Variants in VSTM2B observed in about 807,000 individuals in gnomAD.
VSTM2B encodes V-set and transmembrane domain-containing protein 2B.
Under a neutral mutation model 24.0 loss-of-function variants are expected in VSTM2B, and 24 were observed. The ratio of observed to expected loss-of-function variants is 1.00; its 90% CI spans 0.72 to 1.40. The LOEUF (loss-of-function observed/expected upper bound fraction) is 1.40. Ranked by LOEUF, VSTM2B falls within the 40% of genes most tolerant of loss-of-function variation. The pLI, the probability that VSTM2B is intolerant of heterozygous loss-of-function variation, is 0.00. For missense variants in VSTM2B, 399 were observed against 416.4 expected (o/e 0.96, Z 0.36); for synonymous variants, 226 against 194.4 (o/e 1.16, Z -1.35).
intron 3 of VSTM2B, among the ~76,000 whole-genome samples, chr19:29,529,546 T>C (rs968358990): frequency 7.9e-5 from 12 of 152,138 alleles, no homozygotes; most frequent in African/African-American, 2.9e-4. Context: ...TGTTGGTTTG[T>C]ATGGGCGGGG....
intron 4 of VSTM2B, among the ~76,000 whole-genome samples, chr19:29,536,321 C>T (rs563439763): frequency 5.3e-5 from 8 of 152,320 alleles, no homozygotes; most frequent in South Asian, 4.1e-4. Context: ...TGGTGTGTGA[C>T]TTACAGCTTG....
Position 29,536,700 on chromosome 19 carries a change from C to T in VSTM2B, c.769+6410C>T, listed in dbSNP as rs74946108. ...TGTGCTTATAGCCAGAGCCCACACT[C>T]TCTGCCCAGCTGGAGTGGTAGCCCC... is the stretch of plus-strand genomic sequence containing the variant. On this transcript the variant is annotated intron_variant, in intron 4 of 4. Coordinates refer to ENST00000335523, the MANE Select transcript of VSTM2B (RefSeq NM_001146339.2). 1.6e-3 allele frequency among the ~76,000 whole-genome samples: 241 copies of T among 152,304 alleles called. 1 individual carries two copies. The highest frequency in any genetic ancestry group is 3.1e-3 in the Non-Finnish European group (214 of 68,028).
chr19:29,528,954 CG>C, intron 3 of VSTM2B: 1 of 985,340 alleles, frequency 1.0e-6, no homozygotes, highest in Non-Finnish European at 1.2e-6. Context: ...TTGCAGGGGA[CG>C]GGGTAGGGGG....
intron 1 of VSTM2B, 153 bp from the exon 2 acceptor site, chr19:29,527,058 G>T: frequency 1.5e-6 from 1 of 675,334 alleles, no homozygotes; most frequent in Non-Finnish European, 2.4e-6. Flanking sequence ...CCGCTTCCCC[G>T]AACTTTGCTA....
chr19:29,555,672 T>C (rs531730650), intron 4 of VSTM2B, among the ~76,000 whole-genome samples: 79 of 151,838 alleles, frequency 5.2e-4, no homozygotes, highest in African/African-American at 1.9e-3. Context: ...GCTAGACTAA[T>C]AAAGATGAAG....
chr19:29,528,411 T>G (rs1969639818), intron 2 of VSTM2B, 22 bp from the exon 3 acceptor site: 5 of 1,551,176 alleles, frequency 3.2e-6, no homozygotes, highest in Non-Finnish European at 8.7e-7. Flanking sequence ...CTCACGTCTC[T>G]CTCTCCCTCT....
chr19:29,542,535 G>A (rs1018432239), intron 4 of VSTM2B, among the ~76,000 whole-genome samples: 1 of 151,848 alleles, frequency 6.6e-6, no homozygotes, highest in African/African-American at 2.4e-5. Flanking sequence ...ATGAATGGGT[G>A]GGTGGAGGGA....
chr19:29,562,460 G>A (rs113060852), intron 4 of VSTM2B, among the ~76,000 whole-genome samples: 274 of 152,276 alleles, frequency 1.8e-3, no homozygotes, highest in African/African-American at 6.2e-3. Context: ...CTGCACTACT[G>A]AAAATTGACA....
chr19:29,544,099 G>A (rs1970086666), intron 4 of VSTM2B, among the ~76,000 whole-genome samples: 1 of 150,448 alleles, frequency 6.6e-6, no homozygotes, highest in Non-Finnish European at 1.5e-5. Context: ...TAGTTCTCCT[G>A]TGTGTATATA....
intron 4 of VSTM2B, among the ~76,000 whole-genome samples, chr19:29,562,766 C>T (rs1046430497): frequency 6.6e-6 from 1 of 152,126 alleles, no homozygotes; most frequent in Non-Finnish European, 1.5e-5. Flanking sequence ...CCCAGTTGCA[C>T]GGGAGGCCTT....
At chr19:29,530,982 T>C (rs954576141) in intron 4 of VSTM2B, among the ~76,000 whole-genome samples, 4 of 134,636 alleles carry the variant, frequency 3.0e-5, no homozygotes, top group African/African-American at 8.7e-5. Flanking sequence ...GCTGAGAGGC[T>C]GGGAGAAGGG....
chr19:29,548,896 G>A (rs1049705596), intron 4 of VSTM2B, among the ~76,000 whole-genome samples: 6 of 152,238 alleles, frequency 3.9e-5, no homozygotes, highest in Non-Finnish European at 8.8e-5. Flanking sequence ...GGTTGGCTGA[G>A]CAAAAGGGGC....
intron 4 of VSTM2B, among the ~76,000 whole-genome samples, chr19:29,553,309 A>G (rs8109233): frequency 0.088 from 13,335 of 152,224 alleles, 1,217 homozygotes; most frequent in African/African-American, 0.23. Flanking sequence ...GAGAAACCCC[A>G]GTGAATAGGG....
At chr19:29,531,253 G>A (rs987611452) in intron 4 of VSTM2B, among the ~76,000 whole-genome samples, 3 of 152,152 alleles carry the variant, frequency 2.0e-5, no homozygotes, top group Non-Finnish European at 2.9e-5. Flanking sequence ...TCCCTCCCTT[G>A]GCCCCTCTCC....
intron 4 of VSTM2B, among the ~76,000 whole-genome samples, chr19:29,546,307 G>C (rs140218598): frequency 1.3e-5 from 2 of 152,110 alleles, no homozygotes; most frequent in African/African-American, 2.4e-5. Flanking sequence ...CAGGCAAGGC[G>C]GCACTGTCCA....
intron 4 of VSTM2B, among the ~76,000 whole-genome samples, chr19:29,556,528 G>A (rs1437743033): frequency 2.0e-5 from 3 of 152,174 alleles, no homozygotes; most frequent in South Asian, 2.1e-4. Flanking sequence ...TGGAGGTTCT[G>A]GCCAGGACAA....
In VSTM2B at chr19:29,547,075, C is replaced by G. The variant is rs151180676; in HGVS notation, c.770-16771C>G. ...TGCAAGTCCCAGCCCTGCTGTTTAT[C>G]TCAGTGTGGCCTTGGTTGGGCTGCC... On this transcript the variant is annotated intron_variant, in intron 4 of 4. Coordinates refer to ENST00000335523, the MANE Select transcript of VSTM2B (RefSeq NM_001146339.2). Among the ~76,000 whole-genome samples the G allele has an allele frequency of 9.6e-3, 1,456 of 152,294 alleles. 23 individuals carry two copies. The highest frequency in any genetic ancestry group is 0.032 in the African/African-American group (1,334 of 41,548).
intron 4 of VSTM2B, among the ~76,000 whole-genome samples, chr19:29,539,975 C>T (rs1321332700): frequency 6.6e-6 from 1 of 152,268 alleles, no homozygotes; most frequent in Non-Finnish European, 1.5e-5. Context: ...CCTCTGCTGA[C>T]CCTGGCCTGC....
chr19:29,528,294 T>A (rs538059362), intron 2 of VSTM2B, 139 bp from the exon 3 acceptor site: 20 of 1,036,702 alleles, frequency 1.9e-5, no homozygotes, highest in Middle Eastern at 5.0e-4. Context: ...GGACGTCCTT[T>A]GTGCCCTCAA....
Sources: allele counts gnomAD v4.1 joint callset (sites outside exome capture counted in the v4.1 genomes callset), GRCh38; gene constraint gnomAD v4.1.1; transcripts MANE v1.5; gene names NCBI Gene and HGNC (gene_info 2026-07-23, HGNC 2026-07-21).